KCNJ16: variants seen among roughly 807,000 people sequenced by gnomAD.
KCNJ16 encodes the protein potassium inwardly rectifying channel subfamily J member 16.
A neutral mutation model predicts 18.5 loss-of-function variants in KCNJ16; 15 were observed. The observed-to-expected ratio is 0.81, with a 90% CI of 0.54 to 1.25. The LOEUF (loss-of-function observed/expected upper bound fraction) is 1.25. KCNJ16 is among the 50% of genes most tolerant of loss of function. The pLI is 0.00. For missense variants in KCNJ16, 523 were observed against 525.7 expected (o/e 0.99, Z 0.05); for synonymous variants, 174 against 186.5 (o/e 0.93, Z 0.55).
intron 2 of KCNJ16, among the ~76,000 whole-genome samples, chr17:70,123,037 T>A (rs1002056322): frequency 9.2e-5 from 14 of 152,188 alleles, no homozygotes; most frequent in African/African-American, 3.4e-4. Flanking sequence ...CAACTGATTT[T>A]CCAATGGACA....
intron 1 of KCNJ16, among the ~76,000 whole-genome samples, chr17:70,084,419 CT>C (rs1458922901): frequency 2.6e-5 from 4 of 152,154 alleles, no homozygotes. Context: ...CGGCTTGCTT[CT>C]TTAACACACA....
intron 1 of KCNJ16, among the ~76,000 whole-genome samples, chr17:70,084,421 T>G (rs1037680738): frequency 1.3e-5 from 2 of 152,166 alleles, no homozygotes; most frequent in African/African-American, 4.8e-5. Context: ...GCTTGCTTCT[T>G]TAACACACAT....
intron 2 of KCNJ16, among the ~76,000 whole-genome samples, chr17:70,120,449 A>G (rs1366314982): frequency 6.6e-6 from 1 of 152,194 alleles, no homozygotes; most frequent in Non-Finnish European, 1.5e-5. Flanking sequence ...TTGCATTGCT[A>G]TAAATACCTG....
At chr17:70,112,504 GAA>G (rs534178541) in intron 2 of KCNJ16, among the ~76,000 whole-genome samples, 1 of 143,730 alleles carries the variant, frequency 7.0e-6, no homozygotes, top group Non-Finnish European at 1.5e-5. Flanking sequence ...CTCTATGAAT[GAA>G]AAAAAAAAAT....
chr17:70,131,110 C>T, intron 3 of KCNJ16, 135 bp downstream of exon 3: 1 of 1,026,084 alleles, frequency 9.7e-7, no homozygotes, highest in Non-Finnish European at 1.4e-6. Context: ...TTGTAGCGTG[C>T]TCCCTTTAAG....
At chr17:70,095,526 T>C (rs1227363632) in intron 1 of KCNJ16, among the ~76,000 whole-genome samples, 1 of 152,208 alleles carries the variant, frequency 6.6e-6, no homozygotes, top group African/African-American at 2.4e-5. Context: ...AACGTGAAGC[T>C]TTTCTACTCT....
At chr17:70,131,199 AAAAAAAAAAAGAAAGAAAGAAAAG>A (rs2074045206) in intron 3 of KCNJ16, among the ~76,000 whole-genome samples, 1 of 151,386 alleles carries the variant, frequency 6.6e-6, no homozygotes, top group Non-Finnish European at 1.5e-5. Flanking sequence ...AGTGTCAAAA[AAAAAAAAAAAGAAAGAAAGAAAAG>A]AAAAAAAAAA....
intron 2 of KCNJ16, among the ~76,000 whole-genome samples, chr17:70,109,977 T>TA (rs1331639975): frequency 6.6e-6 from 1 of 152,174 alleles, no homozygotes. Context: ...TGTCAGGAGA[T>TA]ATACCCTCTT....
intron 3 of KCNJ16, 39 bp from the exon 4 acceptor site, chr17:70,131,955 GA>G: frequency 6.6e-7 from 1 of 1,512,204 alleles, no homozygotes; most frequent in Non-Finnish European, 8.8e-7. Context: ...GATGGACATT[GA>G]AAGCTAAAAA....
At chr17:70,131,445 C>G in intron 3 of KCNJ16, 2 of 999,006 alleles carry the variant, frequency 2.0e-6, no homozygotes, top group Non-Finnish European at 2.4e-6. Flanking sequence ...GAAGAAAAGC[C>G]TCCGTGGAAG....
In KCNJ16 at chr17:70,129,256, C is replaced by G. The variant is rs187463473; in HGVS notation, c.-190-1623C>G. On this transcript the variant is annotated intron_variant, in intron 2 of 3. Coordinates refer to ENST00000392671, the MANE Select transcript of KCNJ16 (RefSeq NM_170741.4). ...GGCGACAAGAAAATTACGAAAGCAT[C>G]GAAGCACTTTTAAGGCTGAGTTTTA... Among the ~76,000 whole-genome samples, 192 of 152,140 alleles carry G rather than the reference C, an allele frequency of 1.3e-3. 1 individual carries two copies. Among genetic ancestry groups the G allele is most frequent in the Non-Finnish European group, 1.4e-3 (93 of 67,976 alleles).
At position 70,130,978 on chromosome 17, in the gene KCNJ16, A is replaced by G. The variant is rs1300579884; in HGVS notation, c.-94+3A>G. Reference sequence around the variant, plus strand: ...TTATACCATGGATGCTAAAAATGGTAAGAGCTGCATGTTCTGCCTTGATGT... The same window carrying G: ...TTATACCATGGATGCTAAAAATGGTGAGAGCTGCATGTTCTGCCTTGATGT... On this transcript the variant is annotated splice_donor_region_variant and intron_variant, in intron 3 of 3. Transcript: ENST00000392671. 13 of 1,535,498 alleles carry G rather than the reference A, an allele frequency of 8.5e-6. No individual in the cohort carries two copies. The highest frequency in any genetic ancestry group is 1.1e-5 in the Non-Finnish European group (13 of 1,146,476).
At chr17:70,097,747 C>T (rs1481712350) in intron 1 of KCNJ16, among the ~76,000 whole-genome samples, 1 of 152,112 alleles carries the variant, frequency 6.6e-6, no homozygotes, top group South Asian at 2.1e-4. Flanking sequence ...GCATCTGTAT[C>T]CACTCTTTCC....
intron 1 of KCNJ16, among the ~76,000 whole-genome samples, chr17:70,092,485 A>T (rs1049282566): frequency 1.6e-5 from 2 of 127,692 alleles, no homozygotes; most frequent in Non-Finnish European, 1.6e-5. Flanking sequence ...AGAGAAACAG[A>T]ACCAATAGAT....
At chr17:70,088,337 G>T (rs1407875262) in intron 1 of KCNJ16, among the ~76,000 whole-genome samples, 2 of 152,182 alleles carry the variant, frequency 1.3e-5, no homozygotes, top group African/African-American at 4.8e-5. Flanking sequence ...AATAGGATTC[G>T]TGCTTCTATG....
chr17:70,107,526 GTT>G (rs991422918), intron 2 of KCNJ16, among the ~76,000 whole-genome samples: 2 of 152,012 alleles, frequency 1.3e-5, no homozygotes, highest in Non-Finnish European at 2.9e-5. Flanking sequence ...CAGTCTGAGT[GTT>G]TTGTTTTCTT....
rs115226944 is a variant in KCNJ16 at position 70,080,851 on chromosome 17, C to T, written c.-300+5461C>T. Among the ~76,000 whole-genome samples, 646 of 152,250 alleles carry T rather than the reference C, an allele frequency of 4.2e-3. 2 individuals are homozygous for T. The highest frequency in any genetic ancestry group is 0.015 in the African/African-American group (618 of 41,544). On this transcript the variant is annotated intron_variant, in intron 1 of 3. Transcript: ENST00000392671. ...AAGCTCACAAAACAAGGTGCCTGGCCTAATGGCTGGACCTCAAAATTGTTC... is the reference window on the plus strand; with the variant it reads ...AAGCTCACAAAACAAGGTGCCTGGCTTAATGGCTGGACCTCAAAATTGTTC...
intron 2 of KCNJ16, among the ~76,000 whole-genome samples, chr17:70,117,402 A>G (rs976677074): frequency 2.0e-5 from 3 of 151,586 alleles, no homozygotes; most frequent in Admixed American, 2.0e-4. Flanking sequence ...TCAGCATCAC[A>G]CAATATACCT....
intron 2 of KCNJ16, among the ~76,000 whole-genome samples, chr17:70,111,954 AAACT>A (rs149376115): frequency 0.022 from 3,274 of 152,276 alleles, 42 homozygotes; most frequent in Non-Finnish European, 0.033. Context: ...AGCAGTGTGA[AAACT>A]AACTAATACG....
Sources: allele counts gnomAD v4.1 joint callset (sites outside exome capture counted in the v4.1 genomes callset), GRCh38; gene constraint gnomAD v4.1.1; transcripts MANE v1.5; gene names NCBI Gene and HGNC (gene_info 2026-07-23, HGNC 2026-07-21).